The following VSX1 variants were observed in gnomAD, a reference collection of about 807,000 sequenced individuals.
VSX1 encodes visual system homeobox 1.
In VSX1, 23 loss-of-function variants were observed where a neutral mutation model predicts 23.6. The observed-to-expected ratio is 0.97, with a 90% CI of 0.70 to 1.38. The LOEUF is 1.38. VSX1 is among the 40% of genes most tolerant of loss of function. The pLI is 0.00. For synonymous variants in VSX1, 247 were observed against 215.1 expected, an observed-to-expected ratio of 1.15 and a Z score of -1.30; for missense variants, 517 against 495.4, an observed-to-expected ratio of 1.04 and a Z score of -0.41.
downstream of VSX1, among the ~76,000 whole-genome samples, chr20:25,074,208 T>A (rs183640818): frequency 2.6e-5 from 4 of 152,328 alleles, no homozygotes; most frequent in Non-Finnish European, 5.9e-5. Context: ...AAAATGAGTG[T>A]TCTGCTGTCA....
intron 1 of VSX1, chr20:25,081,296 A>AGGCCCGGGCC (rs2089635914): frequency 2.2e-6 from 1 of 459,294 alleles, no homozygotes; most frequent in Non-Finnish European, 4.2e-6. Flanking sequence ...TGACCACCAC[A>AGGCCCGGGCC]GGCCCGGGCC....
Position 25,076,508 on chromosome 20 carries a change from C to T in VSX1, c.851G>A (p.Ser284Asn), listed in dbSNP as rs762078181. The T allele has an allele frequency of 1.5e-5, 24 of 1,613,424 alleles. No homozygotes were observed. The South Asian group carries it at 2.5e-4, about 17-fold the overall frequency. ...KSMGMIRKPG[S>N]EDKLAGLWGS... is the part of the protein sequence containing the mutation. ...CCAGAGTCCTGCCAACTTATCTTCACTTCCTGGCTTCCTTATCATCCCCAT... is the reference window on the plus strand; with the variant it reads ...CCAGAGTCCTGCCAACTTATCTTCATTTCCTGGCTTCCTTATCATCCCCAT... Residue 284 changes from serine (S) to asparagine (N), a missense_variant, in exon 5 of 5, where the codon AGT becomes AAT. Ser to Asn is a conservative substitution (Grantham distance 46, BLOSUM62 1). Transcript: ENST00000376709.
downstream of VSX1, chr20:25,072,686 A>G (rs1179299557): frequency 4.2e-6 from 2 of 470,952 alleles, no homozygotes; most frequent in Non-Finnish European, 8.8e-6. Context: ...TGATTCATTG[A>G]CCACAGAAAA....
downstream of VSX1, chr20:25,072,409 C>A: frequency 2.3e-6 from 1 of 427,818 alleles, no homozygotes; most frequent in Non-Finnish European, 4.8e-6. Flanking sequence ...TTTCTGTCCA[C>A]ACGTGTGTGT....
intron 3 of VSX1, chr20:25,078,590 G>A (rs1461543889): frequency 2.9e-6 from 4 of 1,361,512 alleles, no homozygotes; most frequent in Non-Finnish European, 9.5e-7. Flanking sequence ...GTTTCTAGTT[G>A]CAGCACACAT....
chr20:25,077,962 C>T, intron 3 of VSX1, 97 bp from the exon 4 acceptor site: 6 of 1,414,372 alleles, frequency 4.2e-6, no homozygotes, highest in East Asian at 2.5e-5. Flanking sequence ...CGGATCTTCT[C>T]TCCCGAGCAT....
chr20:25,082,025 C>A lies in VSX1; in HGVS notation c.72G>T (p.Arg24Ser). The change falls in exon 1 of 5, where the codon AGG becomes AGT. Residue 24 changes from arginine to serine, a missense_variant. By Grantham distance (110) the Arg-to-Ser change is moderately radical (BLOSUM62 -1). Transcript: ENST00000376709. ...TGGCGAAGCCCCGGGGGCGCGAGCC[C>A]CTAGGGGAACCGCCAGGCACCAGCG... ...SRALVPGGSP[R>S]GSRPRGFAIT... is the part of the protein sequence containing the mutation. The A allele has an allele frequency of 6.5e-7, 1 of 1,536,418 alleles. No homozygotes were observed. Among genetic ancestry groups the A allele is most frequent in the Non-Finnish European group, 8.7e-7 (1 of 1,147,504 alleles).
chr20:25,078,461 C>G, intron 3 of VSX1: 1 of 1,032,012 alleles, frequency 9.7e-7, no homozygotes, highest in South Asian at 2.3e-5. Flanking sequence ...TATTCAGGGG[C>G]AGATAATATA....
In VSX1 at chr20:25,081,793, G is replaced by C. The variant is rs1414225854; in HGVS notation, c.304C>G (p.Leu102Val). Reference sequence around the variant, plus strand: ...GGCAGGAACGGCACGTCCGCTAGGAGCAGGCAGGGTGCTCGAGCGGCCGCC... The same window carrying C: ...GGCAGGAACGGCACGTCCGCTAGGACCAGGCAGGGTGCTCGAGCGGCCGCC... ...PPAAARAPCL[L>V]LADVPFLPPR... Residue 102 changes from leucine to valine, a missense_variant, in exon 1 of 5, where the codon CTC (leucine) becomes GTC (valine). Transcript: ENST00000376709. The C allele has an allele frequency of 8.0e-6, 12 of 1,505,964 alleles. No homozygotes were observed. Among genetic ancestry groups the C allele is most frequent in the African/African-American group, 1.4e-5 (1 of 69,314 alleles). The allele number at this position is 1,505,964 out of a possible 1,614,324, so 93.3% of individuals were successfully genotyped here. A position where few individuals can be genotyped will look rare whatever the true frequency, so the allele number is the denominator to read the frequency against.
downstream of VSX1, chr20:25,071,994 G>C (rs1191636231): frequency 1.3e-5 from 8 of 624,120 alleles, no homozygotes; most frequent in Non-Finnish European, 2.3e-5. Flanking sequence ...CAGTGAACGG[G>C]AGCCTCCAGG....
At chr20:25,074,886 C>T (rs1045237514), downstream of VSX1, among the ~76,000 whole-genome samples, 8 of 152,294 alleles carry the variant, frequency 5.3e-5, no homozygotes, top group East Asian at 1.4e-3. Flanking sequence ...TGTCTCTAAA[C>T]AGGAAAGACA....
chr20:25,079,075 A>G, intron 2 of VSX1, 123 bp from the exon 3 acceptor site: 1 of 1,091,624 alleles, frequency 9.2e-7, no homozygotes. Context: ...CTTCATGATA[A>G]TGGAACACCC....
At chr20:25,076,691 C>A in intron 4 of VSX1, 141 bp from the exon 5 acceptor site, 1 of 1,009,020 alleles carries the variant, frequency 9.9e-7, no homozygotes, top group Non-Finnish European at 1.4e-6. Context: ...ACAGGAGAGG[C>A]AGGTAGGTAA....
intron 2 of VSX1, 65 bp from the exon 3 acceptor site, chr20:25,079,017 T>A (rs2089578633): frequency 6.2e-6 from 10 of 1,602,676 alleles, no homozygotes; most frequent in Non-Finnish European, 8.5e-6. Flanking sequence ...TCCCTGGCCT[T>A]AAGGACCACC....
rs762999372 is a variant in VSX1, at chr20:25,076,562, A to AT, written c.809-13_809-12insA. The AT allele has an allele frequency of 3.6e-5, 57 of 1,586,422 alleles. No individual in the cohort carries two copies. The highest frequency in any genetic ancestry group is 3.6e-4 in the Admixed American group (19 of 53,238). On this transcript the variant is annotated splice_polypyrimidine_tract_variant and intron_variant, in intron 4 of 4. Coordinates refer to ENST00000376709, the MANE Select transcript of VSX1 (RefSeq NM_014588.6). ...TTTTTTATGCATCCCTTGTAAAAAA[A>AT]AAAATAAAAAGGAAAAAATAAAAAT...
At chr20:25,072,960 A>G (rs1373932125), downstream of VSX1, among the ~76,000 whole-genome samples, 3 of 152,100 alleles carry the variant, frequency 2.0e-5, no homozygotes, top group Non-Finnish European at 2.9e-5. Flanking sequence ...GCTGGCAAAC[A>G]ATTTTGAACA....
downstream of VSX1, among the ~76,000 whole-genome samples, chr20:25,074,589 CT>C (rs2089446963): frequency 6.6e-6 from 1 of 152,130 alleles, no homozygotes; most frequent in South Asian, 2.1e-4. Context: ...TTATTTCTAT[CT>C]TTTTTCTTTT....
chr20:25,075,060 A>T (rs2089458400), downstream of VSX1, among the ~76,000 whole-genome samples: 1 of 152,218 alleles, frequency 6.6e-6, no homozygotes, highest in Admixed American at 6.5e-5. Context: ...GTATGGAACT[A>T]ACATAGGATG....
intron 1 of VSX1, among the ~76,000 whole-genome samples, chr20:25,080,233 A>G (rs1406859644): frequency 6.6e-6 from 1 of 152,250 alleles, no homozygotes; most frequent in African/African-American, 2.4e-5. Flanking sequence ...TAGAAGGCAT[A>G]ATTGCCTCAA....
Sources: allele counts gnomAD v4.1 joint callset (sites outside exome capture counted in the v4.1 genomes callset), GRCh38; gene constraint gnomAD v4.1.1; transcripts MANE v1.5; gene names NCBI Gene and HGNC (gene_info 2026-07-23, HGNC 2026-07-21).